SMCO1: variants seen among roughly 807,000 people sequenced by gnomAD.
SMCO1 encodes single-pass membrane and coiled-coil domain-containing protein 1.
SMCO1 carries 9 observed loss-of-function variants against 7.5 expected under a neutral mutation model. That is an observed-to-expected ratio of 1.20 (90% confidence interval 0.72 to 2.09). The LOEUF (loss-of-function observed/expected upper bound fraction) is 2.09. SMCO1 is among the 30% of genes most tolerant of loss of function. The pLI, the probability that SMCO1 is intolerant of heterozygous loss-of-function variation, is 0.00. For missense variants in SMCO1, 219 were observed against 253.1 expected (o/e 0.87, Z 0.91); for synonymous variants, 90 against 93.8 (o/e 0.96, Z 0.23).
Position 196,507,788 on chromosome 3 carries a change from C to A in SMCO1, c.*99G>T. 1.5e-6 allele frequency: 1 copy of A among 688,324 alleles called. No homozygotes were observed. The highest frequency in any genetic ancestry group is 2.7e-5 in the East Asian group (1 of 36,650). 42.6% of individuals were successfully genotyped at this position (688,324 alleles called of 1,614,324 possible). A position where few individuals can be genotyped will look rare whatever the true frequency, so the allele number is the denominator to read the frequency against. On this transcript the variant is annotated 3_prime_UTR_variant, in exon 3 of 3. Coordinates refer to ENST00000397537, the MANE Select transcript of SMCO1 (RefSeq NM_001077657.3). The stretch of plus-strand genomic sequence containing the variant: ...ATAATTTATTTAACATCCTCTCACT[C>A]TTTGCTATAAAAATAAGACTATAAT...
intron 1 of SMCO1, among the ~76,000 whole-genome samples, chr3:196,514,458 A>G (rs1327938351): frequency 6.6e-6 from 1 of 152,110 alleles, no homozygotes; most frequent in Non-Finnish European, 1.5e-5. Context: ...TCCTTTTTCT[A>G]GTGTCAAAGG....
upstream of SMCO1, among the ~76,000 whole-genome samples, chr3:196,516,403 T>C (rs1733390680): frequency 6.6e-6 from 1 of 151,974 alleles, no homozygotes; most frequent in African/African-American, 2.4e-5. Context: ...TGTTACGAAC[T>C]GGAGAAATTG....
chr3:196,514,295 C>T (rs997271104), intron 1 of SMCO1, among the ~76,000 whole-genome samples: 3 of 152,160 alleles, frequency 2.0e-5, no homozygotes, highest in African/African-American at 7.2e-5. Context: ...CACGAGACAT[C>T]TAGTTGCTGC....
chr3:196,507,941 G>A lies in SMCO1; in HGVS notation c.591C>T (p.Thr197=). The change falls in exon 3 of 3, where the codon ACC becomes ACT. Residue 197 remains threonine (T), a synonymous_variant. Transcript: ENST00000397537. ...QVIEKGKAVR[T]PEKQKSSLEE... The stretch of plus-strand genomic sequence containing the variant: ...CGAGGGATGACTTTTGCTTTTCAGG[G>A]GTCCTAACTGCTTTCCCCTTCTCAA... The A allele has an allele frequency of 6.2e-7, 1 of 1,614,010 alleles. No homozygotes were observed. The highest frequency in any genetic ancestry group is 8.5e-7 in the Non-Finnish European group (1 of 1,179,984).
chr3:196,518,712 G>A (rs138252741), upstream of SMCO1, among the ~76,000 whole-genome samples: 46 of 152,268 alleles, frequency 3.0e-4, no homozygotes, highest in African/African-American at 1.1e-3. Flanking sequence ...GTAGAGGAGC[G>A]GACTCAAAAT....
chr3:196,519,827 C>T (rs1023472262), upstream of SMCO1, among the ~76,000 whole-genome samples: 1 of 152,166 alleles, frequency 6.6e-6, no homozygotes, highest in African/African-American at 2.4e-5. Context: ...CATGACTAAT[C>T]CCATCTTCTA....
At chr3:196,516,714 C>T (rs1401538571), upstream of SMCO1, among the ~76,000 whole-genome samples, 1 of 152,050 alleles carries the variant, frequency 6.6e-6, no homozygotes, top group East Asian at 1.9e-4. Flanking sequence ...AACATACTAG[C>T]AGGGAGACAG....
upstream of SMCO1, among the ~76,000 whole-genome samples, chr3:196,515,657 TATG>T (rs1204314408): frequency 1.3e-5 from 2 of 152,076 alleles, no homozygotes; most frequent in Admixed American, 6.6e-5. Flanking sequence ...CCAGATCTTT[TATG>T]ATGATGATAT....
At chr3:196,510,633 C>A (rs994823831) in intron 1 of SMCO1, among the ~76,000 whole-genome samples, 3 of 152,130 alleles carry the variant, frequency 2.0e-5, no homozygotes, top group Non-Finnish European at 4.4e-5. Context: ...TCCTTTCTTC[C>A]AGAATCAGCT....
At chr3:196,509,401 A>G in intron 2 of SMCO1, 119 bp downstream of exon 2, 1 of 898,422 alleles carries the variant, frequency 1.1e-6, no homozygotes, top group Non-Finnish European at 1.7e-6. Context: ...TGAACCTAAG[A>G]AAATGTAATT....
intron 1 of SMCO1, 138 bp from the exon 2 acceptor site, chr3:196,509,807 C>T (rs1733172715): frequency 6.1e-6 from 4 of 653,130 alleles, no homozygotes; most frequent in Non-Finnish European, 9.7e-6. Flanking sequence ...TTACTTTAAA[C>T]TATGAAGGGA....
At chr3:196,519,489 A>G (rs1352195111), upstream of SMCO1, among the ~76,000 whole-genome samples, 1 of 152,190 alleles carries the variant, frequency 6.6e-6, no homozygotes, top group Non-Finnish European at 1.5e-5. Context: ...TCTGCAGCCA[A>G]ATTTTAGTCC....
intron 1 of SMCO1, among the ~76,000 whole-genome samples, chr3:196,510,520 A>G (rs1398473665): frequency 1.3e-5 from 2 of 152,040 alleles, no homozygotes; most frequent in African/African-American, 2.4e-5. Context: ...CTAGTCACCA[A>G]TTACATGAGA....
At chr3:196,518,501 G>C (rs921123912), upstream of SMCO1, among the ~76,000 whole-genome samples, 1 of 152,162 alleles carries the variant, frequency 6.6e-6, no homozygotes, top group Non-Finnish European at 1.5e-5. Context: ...TTTTAGTAGA[G>C]ACGGGGTTTC....
chr3:196,515,288 G>A lies in SMCO1; in HGVS notation c.-79C>T. The stretch of plus-strand genomic sequence containing the variant: ...TAAATGTTTGAATCCAGAATTTTCT[G>A]CGGTCTTCCTCTCAGCAACAGGCAG... On this transcript the variant is annotated 5_prime_UTR_variant, in exon 1 of 3. Transcript: ENST00000397537. 1 of 1,119,282 alleles carries A rather than the reference G, an allele frequency of 8.9e-7. No individual in the cohort carries two copies. The highest frequency in any genetic ancestry group is 1.4e-6 in the Non-Finnish European group (1 of 736,460). 69.3% of individuals were successfully genotyped at this position (1,119,282 alleles called of 1,614,324 possible).
At chr3:196,517,216 C>T (rs150767648), upstream of SMCO1, among the ~76,000 whole-genome samples, 222 of 151,160 alleles carry the variant, frequency 1.5e-3, 1 homozygote, top group African/African-American at 4.7e-3. Flanking sequence ...CTCCTAAAAC[C>T]CTTGGAATTT....
upstream of SMCO1, among the ~76,000 whole-genome samples, chr3:196,515,806 G>A (rs1733368312): frequency 6.6e-6 from 1 of 151,030 alleles, no homozygotes; most frequent in African/African-American, 2.4e-5. Context: ...TTCAAGACCA[G>A]CCTGGGCCAC....
upstream of SMCO1, among the ~76,000 whole-genome samples, chr3:196,519,307 G>T (rs1053582694): frequency 6.6e-6 from 1 of 152,168 alleles, no homozygotes; most frequent in Non-Finnish European, 1.5e-5. Flanking sequence ...ACTAGTCCTC[G>T]TGCGAGCACG....
Position 196,509,565 on chromosome 3 carries a change from C to T in SMCO1, c.155G>A (p.Ser52Asn). 1 of 1,614,006 alleles carries T rather than the reference C, an allele frequency of 6.2e-7. No individual in the cohort carries two copies. The highest frequency in any genetic ancestry group is 8.5e-7 in the Non-Finnish European group (1 of 1,179,968). ...KFEHHSKALA[S>N]QAAQDEMWTA... ...CCACATCTCATCTTGGGCTGCTTGG[C>T]TTGCCAAAGCCTTACTATGATGTTC... Residue 52 changes from serine to asparagine, a missense_variant, in exon 2 of 3, where the codon AGC (serine) becomes AAC (asparagine). Physicochemically the swap from Ser to Asn is conservative, Grantham distance 46. Coordinates refer to ENST00000397537, the MANE Select transcript of SMCO1 (RefSeq NM_001077657.3).
Sources: allele counts gnomAD v4.1 joint callset (sites outside exome capture counted in the v4.1 genomes callset), GRCh38; gene constraint gnomAD v4.1.1; transcripts MANE v1.5; gene names NCBI Gene and HGNC (gene_info 2026-07-23, HGNC 2026-07-21).